Variants in VAMP4 observed in about 807,000 individuals in gnomAD.
The protein encoded by VAMP4 is vesicle associated membrane protein 4.
In VAMP4, 19 loss-of-function variants were observed where a neutral mutation model predicts 23.5. That is an observed-to-expected ratio of 0.81 (90% CI 0.56 to 1.19). The LOEUF (loss-of-function observed/expected upper bound fraction) is 1.19. VAMP4 is among the 50% of genes most tolerant of loss of function. The pLI is 0.00. For missense variants in VAMP4, 145 were observed against 168.6 expected (o/e 0.86, Z 0.78); for synonymous variants, 31 against 51.0 (o/e 0.61, Z 1.67).
intron 4 of VAMP4, among the ~76,000 whole-genome samples, chr1:171,715,784 G>A (rs983898627): frequency 6.6e-5 from 10 of 152,082 alleles, no homozygotes; most frequent in African/African-American, 1.9e-4. Flanking sequence ...TGAAGTGGGA[G>A]GATCCCTTGA....
At chr1:171,725,776 C>T (rs540690890) in intron 3 of VAMP4, among the ~76,000 whole-genome samples, 12 of 151,996 alleles carry the variant, frequency 7.9e-5, no homozygotes, top group Admixed American at 1.3e-4. Flanking sequence ...CTGCAACCTC[C>T]GCCTCCCAGG....
rs1349583215 is a variant in VAMP4 at position 171,706,362 on chromosome 1, C to G, written c.397+5G>C. 1 of 1,606,416 alleles carries G rather than the reference C, an allele frequency of 6.2e-7. No homozygotes were observed. The highest frequency in any genetic ancestry group is 8.5e-7 in the Non-Finnish European group (1 of 1,176,504). On this transcript the variant is annotated splice_donor_5th_base_variant and intron_variant, in intron 7 of 7. Transcript: ENST00000236192. ...CTAGGAAGTAATAATCCAATAAATA[C>G]TTACTGATAATCACTAGCAAAAGGA...
chr1:171,738,849 A>C (rs575005520), intron 1 of VAMP4, among the ~76,000 whole-genome samples: 1 of 152,354 alleles, frequency 6.6e-6, no homozygotes, highest in South Asian at 2.1e-4. Flanking sequence ...TGGTTGCTTA[A>C]GCAATGATTC....
chr1:171,727,630 C>G (rs979028997), intron 3 of VAMP4, among the ~76,000 whole-genome samples: 1 of 152,132 alleles, frequency 6.6e-6, no homozygotes, highest in Non-Finnish European at 1.5e-5. Flanking sequence ...TATATCCACA[C>G]AAAAACCTGC....
Position 171,728,540 on chromosome 1 carries a change from C to A in VAMP4, c.97G>T (p.Glu33Ter). The A allele has an allele frequency of 1.3e-6, 2 of 1,549,742 alleles. No homozygotes were observed. The highest frequency in any genetic ancestry group is 2.1e-5 in the Admixed American group (1 of 48,480). The change falls in exon 3 of 8, where the codon GAA becomes TAA. Residue 33 changes from glutamate to a stop codon, truncating the protein, a stop_gained. Coordinates refer to ENST00000236192, the MANE Select transcript of VAMP4 (RefSeq NM_003762.5). LOFTEE classifies it high-confidence loss of function. Reference protein sequence around the residue: ...RNLLEDDSDEEEDFFLRGPSG... With the variant: ...RNLLEDDSDE ...AAAACTTACAGAAAAAAGTCCTCTTCTTCATCTGAATCATCTTCCAAAAGA... is the reference window on the plus strand; with the variant it reads ...AAAACTTACAGAAAAAAGTCCTCTTATTCATCTGAATCATCTTCCAAAAGA...
intron 2 of VAMP4, among the ~76,000 whole-genome samples, chr1:171,731,705 T>G (rs1010740978): frequency 4.6e-5 from 7 of 152,202 alleles, no homozygotes; most frequent in Non-Finnish European, 1.0e-4. Flanking sequence ...ACAAAAACTA[T>G]ATGTGATTAG....
In VAMP4 at chr1:171,738,899, C is replaced by A. The variant is rs1213690238; in HGVS notation, c.-49-436G>T. The stretch of plus-strand genomic sequence containing the variant: ...TAAAATACTGATTTTCAGGCTTCTG[C>A]AGAGTTGGGACGGTCAAATTGGATA... On this transcript the variant is annotated intron_variant, in intron 1 of 7. Transcript: ENST00000236192. Among the ~76,000 whole-genome samples, 7 of 152,140 alleles carry A rather than the reference C, an allele frequency of 4.6e-5. 1 individual carries two copies. The East Asian group carries it at 1.3e-3, about 29-fold the overall frequency.
Position 171,703,611 on chromosome 1 carries a change from G to A in VAMP4, c.*895C>T, listed in dbSNP as rs1654547609. 6.6e-6 allele frequency: 1 copy of A among 151,578 alleles called. No individual in the cohort carries two copies. 9.4% of individuals were successfully genotyped at this position (151,578 alleles called of 1,614,324 possible). ...TTAATAGATGGTTTTGCTACTTTTT[G>A]TACTTTTGGTAAATGAGATAGTTGG... On this transcript the variant is annotated 3_prime_UTR_variant, in exon 8 of 8. Coordinates refer to ENST00000236192, the MANE Select transcript of VAMP4 (RefSeq NM_003762.5).
At chr1:171,732,361 A>G (rs981656304) in intron 2 of VAMP4, among the ~76,000 whole-genome samples, 27 of 55,866 alleles carry the variant, frequency 4.8e-4, no homozygotes, top group African/African-American at 1.8e-3. Flanking sequence ...TCTCTATGGG[A>G]AAAAAAAAAA....
chr1:171,732,993 A>T (rs1370915515), intron 2 of VAMP4, among the ~76,000 whole-genome samples: 2 of 152,162 alleles, frequency 1.3e-5, no homozygotes, highest in African/African-American at 4.8e-5. Flanking sequence ...ATAGAAAAAC[A>T]AAGAATAGAA....
At chr1:171,730,704 T>A (rs1655532027) in intron 2 of VAMP4, among the ~76,000 whole-genome samples, 1 of 124,476 alleles carries the variant, frequency 8.0e-6, no homozygotes, top group Non-Finnish European at 1.6e-5. Context: ...GGGAAGGGAG[T>A]AAAGTATCTA....
rs1654409500 is a variant in VAMP4, at chr1:171,700,964, C to T, written c.*3542G>A. 6.6e-6 allele frequency: 1 copy of T among 151,780 alleles called. No homozygotes were observed. The highest frequency in any genetic ancestry group is 2.4e-5 in the African/African-American group (1 of 41,284). 9.4% of individuals were successfully genotyped at this position (151,780 alleles called of 1,614,324 possible). ...TGCATTTGTATTCCCATCCCTAATTCTACTTGGTTTCCAGAAGAAAAAAAA... is the reference window on the plus strand; with the variant it reads ...TGCATTTGTATTCCCATCCCTAATTTTACTTGGTTTCCAGAAGAAAAAAAA... On this transcript the variant is annotated 3_prime_UTR_variant, in exon 8 of 8. Coordinates refer to ENST00000236192, the MANE Select transcript of VAMP4 (RefSeq NM_003762.5).
chr1:171,738,120 T>TACC (rs1233928708), intron 2 of VAMP4, among the ~76,000 whole-genome samples: 2 of 152,140 alleles, frequency 1.3e-5, no homozygotes, highest in African/African-American at 4.8e-5. Context: ...AGGCATGTGC[T>TACC]ACCATGCCCC....
At chr1:171,713,442 T>TA (rs1436644701) in intron 4 of VAMP4, among the ~76,000 whole-genome samples, 4 of 149,822 alleles carry the variant, frequency 2.7e-5, no homozygotes, top group Non-Finnish European at 5.9e-5. Flanking sequence ...TACGTACTCT[T>TA]AGACGAGATC....
At chr1:171,719,615 T>C (rs1025428054) in intron 3 of VAMP4, among the ~76,000 whole-genome samples, 106 of 152,218 alleles carry the variant, frequency 7.0e-4, no homozygotes, top group African/African-American at 2.3e-3. Context: ...GCAATTCATC[T>C]TGAATTTAGA....
rs1348001188 is a variant in VAMP4 at position 171,702,165 on chromosome 1, T to G, written c.*2341A>C. On this transcript the variant is annotated 3_prime_UTR_variant, in exon 8 of 8. Coordinates refer to ENST00000236192, the MANE Select transcript of VAMP4 (RefSeq NM_003762.5). The stretch of plus-strand genomic sequence containing the variant: ...TTGAACAATATATTTTTTTCTTCTG[T>G]TTTTGATCGTAAGAGGGCTTATATC... The G allele has an allele frequency of 6.6e-6, 1 of 152,000 alleles. No individual in the cohort carries two copies. The highest frequency in any genetic ancestry group is 6.6e-5 in the Admixed American group (1 of 15,254). 9.4% of individuals were successfully genotyped at this position (152,000 alleles called of 1,614,324 possible).
intron 1 of VAMP4, among the ~76,000 whole-genome samples, chr1:171,739,690 A>T (rs150672676): frequency 6.6e-6 from 1 of 152,364 alleles, no homozygotes; most frequent in Non-Finnish European, 1.5e-5. Flanking sequence ...GAGGACACCC[A>T]GCTGGAGAAT....
chr1:171,732,943 T>C (rs886925501), intron 2 of VAMP4, among the ~76,000 whole-genome samples: 2 of 152,056 alleles, frequency 1.3e-5, no homozygotes, highest in African/African-American at 4.8e-5. Flanking sequence ...GTCTGTATTA[T>C]ATAAAAAGCT....
chr1:171,718,770 T>C (rs573606725), intron 4 of VAMP4, among the ~76,000 whole-genome samples: 1 of 152,290 alleles, frequency 6.6e-6, no homozygotes, highest in East Asian at 1.9e-4. Context: ...ATAAATGGAT[T>C]TGACATAAGG....
Sources: gnomAD v4.1 joint callset for allele counts (sites outside exome capture counted in the v4.1 genomes callset) on GRCh38, gnomAD v4.1.1 for gene constraint, MANE v1.5 for transcripts, NCBI Gene and HGNC (gene_info 2026-07-23, HGNC 2026-07-21) for gene names.